TDRD5: variants seen among roughly 807,000 people sequenced by gnomAD.
The protein encoded by TDRD5 is tudor domain containing 5.
In TDRD5, 41 loss-of-function variants were observed where a neutral mutation model predicts 120.6. The ratio of observed to expected loss-of-function variants is 0.34; its 90% CI spans 0.26 to 0.44. TDRD5 has a LOEUF of 0.44. TDRD5 is among the 20% of genes least tolerant of loss of function. TDRD5 has a pLI of 1.00. For missense variants in TDRD5, 1,006 were observed against 1,221.2 expected (o/e 0.82, Z 2.63); for synonymous variants, 430 against 433.7 (o/e 0.99, Z 0.11).
intron 17 of TDRD5, among the ~76,000 whole-genome samples, chr1:179,673,558 A>C (rs770873599): frequency 7.9e-5 from 12 of 152,218 alleles, no homozygotes; most frequent in Non-Finnish European, 1.6e-4. Context: ...ATATGTAAGA[A>C]GTGCATTGGT....
chr1:179,628,353 G>GA (rs1677253838), intron 6 of TDRD5, among the ~76,000 whole-genome samples: 1 of 94,416 alleles, frequency 1.1e-5, no homozygotes, highest in African/African-American at 4.8e-5. Flanking sequence ...TTTTTTTTAA[G>GA]ACGGGGTCTT....
chr1:179,593,502 C>G lies in TDRD5; in HGVS notation c.275C>G (p.Ala92Gly). The G allele has an allele frequency of 6.2e-7, 1 of 1,613,968 alleles. No individual in the cohort carries two copies. The stretch of plus-strand genomic sequence containing the variant: ...ACCAAAGGAATAGCAAGCTTAGTTG[C>G]AAAACAGAGGAGCAGCCATAAGCTT... ...ESTKGIASLV[A>G]KQRSSHKLRN... Residue 92 changes from alanine (A) to glycine (G), a missense_variant, in exon 3 of 18, where the codon GCA becomes GGA. Around this residue, in one of 3 missense-constraint regions of TDRD5, gnomAD observed 445 missense variants for 515.5 expected, o/e 0.86. Transcript: ENST00000444136.
At chr1:179,688,541 A>G (rs963181285) in intron 17 of TDRD5, among the ~76,000 whole-genome samples, 1 of 152,146 alleles carries the variant, frequency 6.6e-6, no homozygotes, top group Non-Finnish European at 1.5e-5. Context: ...GCTCTTCTCA[A>G]GGAGTATCTT....
intron 14 of TDRD5, among the ~76,000 whole-genome samples, chr1:179,658,034 T>G (rs1679101022): frequency 6.6e-6 from 1 of 152,182 alleles, no homozygotes; most frequent in South Asian, 2.1e-4. Context: ...TGGTAACTAC[T>G]ATTTCACTCT....
At chr1:179,629,101 T>A (rs1677296395) in intron 6 of TDRD5, among the ~76,000 whole-genome samples, 1 of 152,148 alleles carries the variant, frequency 6.6e-6, no homozygotes, top group Non-Finnish European at 1.5e-5. Flanking sequence ...AGCTGTCAAG[T>A]CAAAGTGATT....
intron 4 of TDRD5, 59 bp from the exon 5 acceptor site, chr1:179,618,539 AC>A (rs1029635813): frequency 2.2e-5 from 29 of 1,297,822 alleles, no homozygotes; most frequent in African/African-American, 3.0e-5. Context: ...GCTTAGATCT[AC>A]CTTTGACTTT....
chr1:179,624,791 A>G (rs926145944), intron 6 of TDRD5, among the ~76,000 whole-genome samples: 2 of 152,194 alleles, frequency 1.3e-5, no homozygotes, highest in African/African-American at 4.8e-5. Context: ...CTCATTATTG[A>G]TAACATTATA....
chr1:179,636,163 A>G (rs1278875423), intron 9 of TDRD5, among the ~76,000 whole-genome samples: 1 of 152,210 alleles, frequency 6.6e-6, no homozygotes, highest in Non-Finnish European at 1.5e-5. Flanking sequence ...CTGGCTTAAT[A>G]GAAGAAAGTT....
intron 6 of TDRD5, among the ~76,000 whole-genome samples, chr1:179,624,142 C>T (rs1676991973): frequency 6.6e-6 from 1 of 152,034 alleles, no homozygotes; most frequent in Non-Finnish European, 1.5e-5. Context: ...GGAATTAAGG[C>T]AATTCACCAT....
intron 6 of TDRD5, among the ~76,000 whole-genome samples, chr1:179,629,111 T>A (rs973950040): frequency 1.2e-4 from 19 of 152,188 alleles, no homozygotes; most frequent in African/African-American, 4.3e-4. Context: ...TCAAAGTGAT[T>A]GAGAAATCCA....
intron 17 of TDRD5, among the ~76,000 whole-genome samples, chr1:179,672,698 A>G (rs143825485): frequency 6.6e-6 from 1 of 152,248 alleles, no homozygotes; most frequent in Non-Finnish European, 1.5e-5. Context: ...GGTTTTTCCA[A>G]TGTTATACTC....
intron 11 of TDRD5, among the ~76,000 whole-genome samples, chr1:179,641,218 A>T (rs1678027083): frequency 6.6e-6 from 1 of 152,168 alleles, no homozygotes; most frequent in Non-Finnish European, 1.5e-5. Context: ...GGATTATTTT[A>T]AAAATATTTT....
At chr1:179,657,789 C>A (rs529054312) in intron 14 of TDRD5, among the ~76,000 whole-genome samples, 61 of 152,210 alleles carry the variant, frequency 4.0e-4, no homozygotes, top group African/African-American at 1.4e-3. Context: ...TATGTATACA[C>A]TGTAGCATGT....
chr1:179,658,676 A>T (rs1283375464), intron 14 of TDRD5, among the ~76,000 whole-genome samples: 1 of 152,064 alleles, frequency 6.6e-6, no homozygotes, highest in African/African-American at 2.4e-5. Flanking sequence ...TCCCCTTTTC[A>T]TTAGTCTTAC....
Position 179,595,754 on chromosome 1 carries a change from A to G in TDRD5, c.767A>G (p.Glu256Gly). ...MEPPKQIMSMEKTSKLNVVET... is the reference protein window; with the variant it reads ...MEPPKQIMSMGKTSKLNVVET... The stretch of plus-strand genomic sequence containing the variant: ...CCACCGAAGCAAATAATGAGCATGG[A>G]AAAGACTTCCAAGTTAAATGTAGTG... Residue 256 changes from glutamate (E) to glycine (G), a missense_variant, in exon 4 of 18, where the codon GAA (glutamate) becomes GGA (glycine). Glu to Gly is a moderately conservative substitution (Grantham distance 98). Coordinates refer to ENST00000444136, the MANE Select transcript of TDRD5 (RefSeq NM_001199085.3). The G allele has an allele frequency of 6.2e-7, 1 of 1,613,854 alleles. No individual in the cohort carries two copies. Among genetic ancestry groups the G allele is most frequent in the East Asian group, 2.2e-5 (1 of 44,860 alleles).
At chr1:179,617,378 A>G (rs1300539206) in intron 4 of TDRD5, among the ~76,000 whole-genome samples, 2 of 152,110 alleles carry the variant, frequency 1.3e-5, no homozygotes, top group African/African-American at 4.8e-5. Flanking sequence ...GCATTATGTT[A>G]TGCACTCTTC....
chr1:179,636,996 A>T (rs1572380204), intron 9 of TDRD5, among the ~76,000 whole-genome samples: 1 of 152,234 alleles, frequency 6.6e-6, no homozygotes, highest in Non-Finnish European at 1.5e-5. Context: ...CTACTAACTT[A>T]TATTATCTCT....
chr1:179,594,463 T>A (rs115980076), intron 3 of TDRD5, among the ~76,000 whole-genome samples: 2,555 of 152,328 alleles, frequency 0.017, 85 homozygotes, highest in African/African-American at 0.058. Context: ...TAAAGTCACA[T>A]GGCTGGAAAA....
intron 11 of TDRD5, among the ~76,000 whole-genome samples, chr1:179,649,092 A>G (rs1415334059): frequency 6.6e-6 from 1 of 152,166 alleles, no homozygotes; most frequent in Non-Finnish European, 1.5e-5. Context: ...TGTCAGTTTA[A>G]TAGATGTTCC....
Sources: allele counts gnomAD v4.1 joint callset (sites outside exome capture counted in the v4.1 genomes callset), GRCh38; gene constraint gnomAD v4.1.1; regional missense constraint gnomAD v4.1.1; transcripts MANE v1.5; gene names NCBI Gene and HGNC (gene_info 2026-07-23, HGNC 2026-07-21).